The following CSRNP3 variants were observed in gnomAD, a reference collection of about 807,000 sequenced individuals.
CSRNP3 encodes cysteine/serine-rich nuclear protein 3.
A neutral mutation model predicts 48.0 loss-of-function variants in CSRNP3; 12 were observed. The observed-to-expected ratio is 0.25, with a 90% confidence interval of 0.16 to 0.41. CSRNP3 has a LOEUF of 0.41. Ranked by LOEUF, CSRNP3 falls within the 10% of genes least tolerant of loss-of-function variation. The probability of loss-of-function intolerance (pLI) is 1.00; values close to 1 mark genes in which losing one functional copy is unlikely to be tolerated. For missense variants in CSRNP3, 580 were observed against 724.4 expected (o/e 0.80, Z 2.29); for synonymous variants, 263 against 269.7 (o/e 0.98, Z 0.24).
At chr2:165,540,161 C>T (rs1034590178) in intron 3 of CSRNP3, among the ~76,000 whole-genome samples, 1 of 152,074 alleles carries the variant, frequency 6.6e-6, no homozygotes, top group Non-Finnish European at 1.5e-5. Flanking sequence ...CCAGTTCTCC[C>T]TCTCTTTTGC....
intron 4 of CSRNP3, among the ~76,000 whole-genome samples, chr2:165,624,354 T>TA (rs1686392541): frequency 6.6e-6 from 1 of 152,256 alleles, no homozygotes; most frequent in Admixed American, 6.5e-5. Context: ...ATGCCTGCTC[T>TA]ATAGAATCGC....
intron 3 of CSRNP3, chr2:165,566,702 A>G (rs1685302635): frequency 6.6e-6 from 1 of 151,744 alleles, no homozygotes; most frequent in Admixed American, 6.6e-5. Flanking sequence ...CAGGCTGTAT[A>G]TTCTTATATA....
intron 3 of CSRNP3, chr2:165,574,187 T>G: frequency 2.0e-6 from 1 of 509,296 alleles, no homozygotes; most frequent in Non-Finnish European, 3.5e-6. Flanking sequence ...TTTCAGCTGC[T>G]GGAGGACTGC....
At chr2:165,519,272 AT>A (rs71028489) in intron 3 of CSRNP3, among the ~76,000 whole-genome samples, 5 of 150,864 alleles carry the variant, frequency 3.3e-5, no homozygotes, top group Admixed American at 6.6e-5. Flanking sequence ...CATTGCCTAC[AT>A]TTTTTTTTTA....
In CSRNP3 at chr2:165,679,016, G is replaced by A. The variant is rs1687477465; in HGVS notation, c.1021G>A (p.Glu341Lys). 2 of 1,613,884 alleles carry A rather than the reference G, an allele frequency of 1.2e-6. No individual in the cohort carries two copies. Among genetic ancestry groups the A allele is most frequent in the South Asian group, 2.2e-5 (2 of 91,076 alleles). The change falls in exon 7 of 7, where the codon GAG (glutamate) becomes AAG (lysine). Residue 341 changes from glutamate to lysine, a missense_variant. By Grantham distance (56) the Glu-to-Lys change is moderately conservative. Transcript: ENST00000651982. ...QSAEELDCQG[E>K]EEEEEEDGSS... ...GGCTGAAGAATTAGATTGCCAAGGAGAGGAGGAGGAAGAAGAGGAGGATGG... is the reference window on the plus strand; with the variant it reads ...GGCTGAAGAATTAGATTGCCAAGGAAAGGAGGAGGAAGAAGAGGAGGATGG...
intron 1 of CSRNP3, among the ~76,000 whole-genome samples, chr2:165,492,702 C>G (rs1196389171): frequency 1.0e-4 from 15 of 144,280 alleles, no homozygotes; most frequent in African/African-American, 3.9e-4. Context: ...TAATAACACC[C>G]AGTAAGTAAG....
chr2:165,679,671 A>G lies in CSRNP3; in HGVS notation c.1676A>G (p.Glu559Gly), dbSNP rs1488302663. Reference sequence around the variant, plus strand: ...AGTCACATTTCAGAGCATCCTGCTGAAAATTCTTTGAGCCTTGCAGAAAAG... The same window carrying G: ...AGTCACATTTCAGAGCATCCTGCTGGAAATTCTTTGAGCCTTGCAGAAAAG... ...GDSHISEHPAENSLSLAEKSI... is the reference protein window; with the variant it reads ...GDSHISEHPAGNSLSLAEKSI... Residue 559 changes from glutamate (E) to glycine (G), a missense_variant, in exon 7 of 7, where the codon GAA becomes GGA. Transcript: ENST00000651982. The G allele has an allele frequency of 1.2e-6, 2 of 1,614,040 alleles. No individual in the cohort carries two copies. The highest frequency in any genetic ancestry group is 8.5e-7 in the Non-Finnish European group (1 of 1,180,008).
At chr2:165,641,071 A>G (rs1035803706) in intron 4 of CSRNP3, among the ~76,000 whole-genome samples, 1 of 152,246 alleles carries the variant, frequency 6.6e-6, no homozygotes, top group South Asian at 2.1e-4. Flanking sequence ...GTAGGTTTCC[A>G]AACTTGTGGT....
At chr2:165,504,125 A>G (rs888731219) in intron 2 of CSRNP3, among the ~76,000 whole-genome samples, 4 of 152,040 alleles carry the variant, frequency 2.6e-5, no homozygotes, top group Non-Finnish European at 4.4e-5. Context: ...CTGGCAATGT[A>G]TGTGCATTAA....
At chr2:165,531,501 C>T (rs1042835620) in intron 3 of CSRNP3, among the ~76,000 whole-genome samples, 1 of 152,112 alleles carries the variant, frequency 6.6e-6, no homozygotes, top group Admixed American at 6.5e-5. Context: ...AGAGAACATG[C>T]GGTGTTTGGT....
At chr2:165,640,209 C>T (rs1422982828) in intron 4 of CSRNP3, among the ~76,000 whole-genome samples, 1 of 152,134 alleles carries the variant, frequency 6.6e-6, no homozygotes, top group Non-Finnish European at 1.5e-5. Flanking sequence ...ACGTGCCAAA[C>T]TTTGTTTAAT....
chr2:165,615,454 A>G (rs1686222096), intron 4 of CSRNP3, among the ~76,000 whole-genome samples: 1 of 151,768 alleles, frequency 6.6e-6, no homozygotes, highest in African/African-American at 2.4e-5. Flanking sequence ...GAGGCAGGAG[A>G]ATGGTGTGAA....
chr2:165,643,003 T>A (rs186605469), intron 4 of CSRNP3, among the ~76,000 whole-genome samples: 1 of 152,324 alleles, frequency 6.6e-6, no homozygotes, highest in African/African-American at 2.4e-5. Flanking sequence ...AGAGAGAAGA[T>A]TATAGAGTGA....
At chr2:165,523,109 C>A (rs2105236992) in intron 3 of CSRNP3, among the ~76,000 whole-genome samples, 1 of 152,214 alleles carries the variant, frequency 6.6e-6, no homozygotes, top group African/African-American at 2.4e-5. Flanking sequence ...TTTGCAATCC[C>A]CTCCAGCATC....
intron 4 of CSRNP3, among the ~76,000 whole-genome samples, chr2:165,643,059 A>G (rs1686751019): frequency 6.6e-6 from 1 of 152,170 alleles, no homozygotes; most frequent in African/African-American, 2.4e-5. Context: ...AATAACATAA[A>G]ACTGCTAGAT....
rs565879801 is a variant in CSRNP3 at position 165,572,019 on chromosome 2, A to G, written c.-23-23024A>G. ...CGCAAGGCTCTTTAATAACATTTGT[A>G]CAAAAGTACTTTCAGAAAATATGAG... On this transcript the variant is annotated intron_variant, in intron 3 of 6. Coordinates refer to ENST00000651982, the MANE Select transcript of CSRNP3 (RefSeq NM_001172173.2). Among the ~76,000 whole-genome samples the G allele has an allele frequency of 2.8e-4, 43 of 152,306 alleles. 2 individuals carry two copies. The highest frequency in any genetic ancestry group is 9.9e-4 in the African/African-American group (41 of 41,588).
intron 4 of CSRNP3, among the ~76,000 whole-genome samples, chr2:165,600,327 C>G (rs1685893522): frequency 6.7e-6 from 1 of 149,682 alleles, no homozygotes; most frequent in African/African-American, 2.5e-5. Flanking sequence ...TTAATCCAGT[C>G]CATCATTGTT....
Position 165,557,889 on chromosome 2 carries a change from G to A in CSRNP3, c.-23-37154G>A, listed in dbSNP as rs548389255. On this transcript the variant is annotated intron_variant, in intron 3 of 6. Coordinates refer to ENST00000651982, the MANE Select transcript of CSRNP3 (RefSeq NM_001172173.2). ...AAAGTTTGATGTTATGTTTAGAGGTGTGAAGAAAATGGAATCCAGTTTCTT... is the reference window on the plus strand; with the variant it reads ...AAAGTTTGATGTTATGTTTAGAGGTATGAAGAAAATGGAATCCAGTTTCTT... Among the ~76,000 whole-genome samples, 16 of 152,324 alleles carry A rather than the reference G, an allele frequency of 1.1e-4. 1 individual carries two copies. Among genetic ancestry groups the A allele is most frequent in the African/African-American group, 3.8e-4 (16 of 41,576 alleles).
chr2:165,525,488 C>CTT (rs766376805), intron 3 of CSRNP3, among the ~76,000 whole-genome samples: 8 of 133,892 alleles, frequency 6.0e-5, no homozygotes, highest in South Asian at 2.4e-4. Flanking sequence ...TCTTCTTCTT[C>CTT]TTTTTTTTTT....
Sources: gnomAD v4.1 joint callset for allele counts (sites outside exome capture counted in the v4.1 genomes callset) on GRCh38, gnomAD v4.1.1 for gene constraint, MANE v1.5 for transcripts, NCBI Gene and HGNC (gene_info 2026-07-23, HGNC 2026-07-21) for gene names.